Variants in REEP2 observed in about 807,000 individuals in gnomAD.
The protein encoded by REEP2 is receptor expression-enhancing protein 2.
REEP2 carries 9 observed loss-of-function variants against 32.1 expected under a neutral mutation model. The ratio of observed to expected loss-of-function variants is 0.28; its 90% CI spans 0.17 to 0.49. The LOEUF (loss-of-function observed/expected upper bound fraction) is 0.49, where lower values mean the gene tolerates loss of function less well. Ranked by LOEUF, REEP2 falls within the 20% of genes least tolerant of loss-of-function variation. The pLI is 0.99. For missense variants in REEP2, 236 were observed against 338.0 expected, an observed-to-expected ratio of 0.70 and a Z score of 2.37; for synonymous variants, 128 against 139.1, an observed-to-expected ratio of 0.92 and a Z score of 0.56.
At chr5:138,443,188 G>A (rs547520014) in intron 3 of REEP2, among the ~76,000 whole-genome samples, 9 of 152,126 alleles carry the variant, frequency 5.9e-5, no homozygotes, top group Admixed American at 3.9e-4. Context: ...GGCCAGGTGC[G>A]GTGGCTCATG....
chr5:138,439,606 G>A (rs1262001387), intron 1 of REEP2: 6 of 483,958 alleles, frequency 1.2e-5, no homozygotes, highest in Non-Finnish European at 2.0e-5. Context: ...CCTCAGACCC[G>A]GGCCCTGTCC....
chr5:138,441,662 C>T lies in REEP2; in HGVS notation c.182+201C>T, dbSNP rs991957764. On this transcript the variant is annotated intron_variant, in intron 3 of 7. Coordinates refer to ENST00000378339, the MANE Select transcript of REEP2 (RefSeq NM_001271803.2). This position sits in a 1 kb window ranked among gnomAD's most constrained non-coding sequence, Gnocchi z 4.4. ...TAGTAGTGCCAGGCGAGGGGGCTCA[C>T]ACCTGTAATCCCAGCACTTTGGGAG... Among the ~76,000 whole-genome samples, 1 of 152,124 alleles carries T rather than the reference C, an allele frequency of 6.6e-6. No homozygotes were observed. Among genetic ancestry groups the T allele is most frequent in the Non-Finnish European group, 1.5e-5 (1 of 68,036 alleles).
intron 1 of REEP2, 49 bp downstream of exon 1, chr5:138,439,289 G>A (rs1336910812): frequency 2.5e-5 from 36 of 1,425,494 alleles, no homozygotes; most frequent in Non-Finnish European, 3.3e-5. Context: ...TGGAGGGCGG[G>A]GGTGTTAAAG....
chr5:138,445,721 G>A lies in REEP2; in HGVS notation c.735G>A (p.Lys245=). 3 of 1,614,122 alleles carry A rather than the reference G, an allele frequency of 1.9e-6. No individual in the cohort carries two copies. Among genetic ancestry groups the A allele is most frequent in the Non-Finnish European group, 2.5e-6 (3 of 1,180,020 alleles). The part of the protein sequence containing the change: ...ASKTLKTRPK[K]KTSGGGDSA ...AGACACTGAAGACCCGGCCCAAGAAGAAGACCTCTGGCGGGGGCGACTCAG... is the reference window on the plus strand; with the variant it reads ...AGACACTGAAGACCCGGCCCAAGAAAAAGACCTCTGGCGGGGGCGACTCAG... The change falls in exon 8 of 8, where the codon AAG becomes AAA. Residue 245 remains lysine (K), a synonymous_variant. Transcript: ENST00000378339.
intron 1 of REEP2, chr5:138,439,837 G>A: frequency 2.2e-6 from 1 of 445,982 alleles, no homozygotes; most frequent in South Asian, 1.6e-5. Context: ...GTAACTGGGA[G>A]AGGGGATGTG....
chr5:138,440,319 C>T (rs906035185), intron 1 of REEP2, among the ~76,000 whole-genome samples: 12 of 152,266 alleles, frequency 7.9e-5, no homozygotes, highest in African/African-American at 2.9e-4. Context: ...GGCCTCACGC[C>T]TCCATGTGGC....
chr5:138,445,680 C>T lies in REEP2; in HGVS notation c.697-3C>T, dbSNP rs1288777628. 3.1e-6 allele frequency: 5 copies of T among 1,614,160 alleles called. No homozygotes were observed. The highest frequency in any genetic ancestry group is 3.3e-5 in the Admixed American group (2 of 60,022). ...AGCCCCATCTTCCTCCTTCTTTCCACAGCCACTGGCTTCCAAGACACTGAA... is the reference window on the plus strand; with the variant it reads ...AGCCCCATCTTCCTCCTTCTTTCCATAGCCACTGGCTTCCAAGACACTGAA... On this transcript the variant is annotated splice_polypyrimidine_tract_variant and splice_region_variant and intron_variant, in intron 7 of 7. Transcript: ENST00000378339.
At chr5:138,443,545 T>G (rs1763868070) in intron 3 of REEP2, 1 of 152,012 alleles carries the variant, frequency 6.6e-6, no homozygotes, top group Non-Finnish European at 1.5e-5. Flanking sequence ...ATAGATGCCT[T>G]TTTTTTCTTT....
chr5:138,444,903 T>G, intron 5 of REEP2, 36 bp downstream of exon 5: 3 of 1,502,444 alleles, frequency 2.0e-6, no homozygotes, highest in Non-Finnish European at 2.7e-6. Flanking sequence ...CCAGGGCCCC[T>G]ACCTTGTACA....
At chr5:138,440,856 G>A (rs1325807770) in intron 1 of REEP2, 160 bp from the exon 2 acceptor site, 9 of 1,398,126 alleles carry the variant, frequency 6.4e-6, no homozygotes, top group African/African-American at 2.9e-5. Context: ...GGCTGGGCAT[G>A]TTCCATGCTG....
intron 1 of REEP2, chr5:138,439,880 G>C (rs1763790269): frequency 2.5e-6 from 1 of 402,270 alleles, no homozygotes; most frequent in Admixed American, 2.7e-5. Flanking sequence ...ACCCCGCTGG[G>C]GGAGGACGCT....
At chr5:138,443,228 G>T (rs1294481886) in intron 3 of REEP2, among the ~76,000 whole-genome samples, 1 of 150,960 alleles carries the variant, frequency 6.6e-6, no homozygotes, top group Non-Finnish European at 1.5e-5. Flanking sequence ...GGGAGGCCAA[G>T]GGGGGGCAGA....
chr5:138,439,745 C>G (rs1428221763), intron 1 of REEP2: 1 of 456,516 alleles, frequency 2.2e-6, no homozygotes, highest in Admixed American at 2.3e-5. Context: ...AGACTGGGGA[C>G]GAGGGCATAT....
In REEP2 at chr5:138,445,867, C is replaced by G; in HGVS notation, c.*116C>G. ...AGGTGTCTCAGGCCCCTGGGCCCCG[C>G]AGATGGCCATTTCCGGTGCCTGCCC... On this transcript the variant is annotated 3_prime_UTR_variant, in exon 8 of 8. Transcript: ENST00000378339. The G allele has an allele frequency of 2.0e-6, 2 of 1,009,616 alleles. No individual in the cohort carries two copies. The highest frequency in any genetic ancestry group is 3.3e-5 in the African/African-American group (2 of 61,190). The allele number at this position is 1,009,616 out of a possible 1,614,324, so 62.5% of individuals were successfully genotyped here.
chr5:138,444,529 G>C lies in REEP2; in HGVS notation c.297G>C (p.Lys99Asn), dbSNP rs1217778580. The stretch of plus-strand genomic sequence containing the variant: ...TCGTGCACCCAACGCTGTCCAACAA[G>C]GAGAAGGTTTGCCCCCACTCTCAGC... ...RKFVHPTLSNKEKEIDEYITQ... is the reference protein window; with the variant it reads ...RKFVHPTLSNNEKEIDEYITQ... The change falls in exon 4 of 8, where the codon AAG (lysine) becomes AAC (asparagine). Residue 99 changes from lysine (K) to asparagine (N), a missense_variant. Physicochemically the swap from Lys to Asn is moderately conservative, Grantham distance 94 (BLOSUM62 0). Coordinates refer to ENST00000378339, the MANE Select transcript of REEP2 (RefSeq NM_001271803.2). 1 of 1,614,002 alleles carries C rather than the reference G, an allele frequency of 6.2e-7. No homozygotes were observed. The highest frequency in any genetic ancestry group is 1.3e-5 in the African/African-American group (1 of 75,024).
chr5:138,439,152 G>A lies in REEP2; in HGVS notation c.-57G>A. 26 of 1,239,812 alleles carry A rather than the reference G, an allele frequency of 2.1e-5. No homozygotes were observed. Among genetic ancestry groups the A allele is most frequent in the Middle Eastern group, 3.1e-4 (1 of 3,210 alleles). The allele number at this position is 1,239,812 out of a possible 1,614,324, so 76.8% of individuals were successfully genotyped here. ...CCGCCGCCGCCGCCGCTCGGCCTCA[G>A]GCAGCTGCATCCTCGGCCGGGCCGG... On this transcript the variant is annotated 5_prime_UTR_variant, in exon 1 of 8. Transcript: ENST00000378339.
In REEP2 at chr5:138,441,395, T is replaced by A; in HGVS notation, c.116T>A (p.Met39Lys). 1 of 1,614,086 alleles carries A rather than the reference T, an allele frequency of 6.2e-7. No homozygotes were observed. Among genetic ancestry groups the A allele is most frequent in the Non-Finnish European group, 8.5e-7 (1 of 1,179,970 alleles). ...CCCTCTGTCCCTCAGGTGAAATGGA[T>A]GATGTACTGGATCGTCTTTGCCTTC... is the stretch of plus-strand genomic sequence containing the variant. ...TKNVKEYVKW[M>K]MYWIVFAFFT... The change falls in exon 3 of 8, where the codon ATG becomes AAG. Residue 39 changes from methionine to lysine, a missense_variant. By Grantham distance (95) the Met-to-Lys change is moderately conservative (BLOSUM62 -1). Transcript: ENST00000378339. The surrounding 1 kb of genome is among the most constrained non-coding windows in gnomAD (Gnocchi z 4.4).
chr5:138,444,308 C>T, intron 3 of REEP2, 107 bp from the exon 4 acceptor site: 1 of 1,393,206 alleles, frequency 7.2e-7, no homozygotes, highest in Admixed American at 1.9e-5. Flanking sequence ...CCCCAGTGCA[C>T]TAAGAGTGAG....
chr5:138,445,023 T>A, intron 5 of REEP2, 156 bp downstream of exon 5: 1 of 764,036 alleles, frequency 1.3e-6, no homozygotes, highest in Non-Finnish European at 2.1e-6. Context: ...TCTGGCCGAG[T>A]CACTTTGATT....
Sources: allele counts gnomAD v4.1 joint callset (sites outside exome capture counted in the v4.1 genomes callset), GRCh38; gene constraint gnomAD v4.1.1; non-coding constraint Gnocchi (gnomAD v3.1); transcripts MANE v1.5; gene names NCBI Gene and HGNC (gene_info 2026-07-23, HGNC 2026-07-21).